Variants in EXOC6B observed in about 807,000 individuals in gnomAD.
EXOC6B encodes the protein SEC15 homolog B.
In EXOC6B, 54 loss-of-function variants were observed where a neutral mutation model predicts 113.5. The observed-to-expected ratio is 0.48, with a 90% confidence interval of 0.38 to 0.60. The LOEUF is 0.60. Ranked by LOEUF, EXOC6B falls within the 20% of genes least tolerant of loss-of-function variation. EXOC6B has a pLI of 0.00. For synonymous variants in EXOC6B, 357 were observed against 339.0 expected (o/e 1.05, Z -0.58); for missense variants, 797 against 977.5 (o/e 0.82, Z 2.46).
intron 11 of EXOC6B, among the ~76,000 whole-genome samples, chr2:72,508,892 T>C (rs148060772): frequency 1.4e-3 from 214 of 152,294 alleles, no homozygotes; most frequent in Non-Finnish European, 2.3e-3. Flanking sequence ...TCAAATCATA[T>C]GACCTAGAAA....
intron 6 of EXOC6B, among the ~76,000 whole-genome samples, chr2:72,603,287 G>A (rs1670540947): frequency 6.6e-6 from 1 of 152,000 alleles, no homozygotes; most frequent in African/African-American, 2.4e-5. Flanking sequence ...ATAGAATAAT[G>A]TCACTTTTAA....
At chr2:72,601,851 T>C (rs1301927838) in intron 6 of EXOC6B, among the ~76,000 whole-genome samples, 2 of 152,132 alleles carry the variant, frequency 1.3e-5, no homozygotes, top group African/African-American at 2.4e-5. Flanking sequence ...TAAAATGATA[T>C]ACACCATGAA....
intron 20 of EXOC6B, among the ~76,000 whole-genome samples, chr2:72,240,063 T>C (rs1332198390): frequency 1.3e-5 from 2 of 152,330 alleles, no homozygotes; most frequent in East Asian, 3.9e-4. Flanking sequence ...TTGTCAGTTC[T>C]AATAGATTTT....
chr2:72,233,082 G>T (rs1681734414), intron 20 of EXOC6B, among the ~76,000 whole-genome samples: 1 of 149,870 alleles, frequency 6.7e-6, no homozygotes, highest in Admixed American at 6.6e-5. Context: ...AAAAAAAAAA[G>T]AAAAAAAGAA....
intron 20 of EXOC6B, among the ~76,000 whole-genome samples, chr2:72,195,623 C>A (rs1679122212): frequency 6.6e-6 from 1 of 152,148 alleles, no homozygotes; most frequent in African/African-American, 2.4e-5. Context: ...GACAAAATGA[C>A]TAAGTGGCTT....
chr2:72,741,806 A>G (rs1681343786), intron 1 of EXOC6B, among the ~76,000 whole-genome samples: 2 of 152,226 alleles, frequency 1.3e-5, no homozygotes, highest in Admixed American at 1.3e-4. Flanking sequence ...TTGCTCCATG[A>G]GCATATTCAA....
At chr2:72,817,190 C>G (rs1686298289) in intron 1 of EXOC6B, among the ~76,000 whole-genome samples, 1 of 152,150 alleles carries the variant, frequency 6.6e-6, no homozygotes, top group African/African-American at 2.4e-5. Context: ...ATGCTTTCAT[C>G]ATTAGAGTTA....
chr2:72,626,915 A>G (rs888708915), intron 6 of EXOC6B, among the ~76,000 whole-genome samples: 3 of 152,190 alleles, frequency 2.0e-5, no homozygotes, highest in African/African-American at 7.2e-5. Flanking sequence ...CAATGATTTT[A>G]ATTAAGAGGA....
At chr2:72,665,759 C>T (rs1420916231) in intron 6 of EXOC6B, among the ~76,000 whole-genome samples, 1 of 152,124 alleles carries the variant, frequency 6.6e-6, no homozygotes, top group Non-Finnish European at 1.5e-5. Context: ...AAATACGTAG[C>T]CCACAGACTC....
At chr2:72,519,760 T>G (rs1270981048) in intron 8 of EXOC6B, among the ~76,000 whole-genome samples, 2 of 152,288 alleles carry the variant, frequency 1.3e-5, no homozygotes, top group East Asian at 3.9e-4. Context: ...TGGGCATATT[T>G]AATTGATGAC....
chr2:72,506,001 T>A (rs1455762801), intron 11 of EXOC6B, among the ~76,000 whole-genome samples: 1 of 152,138 alleles, frequency 6.6e-6, no homozygotes, highest in Non-Finnish European at 1.5e-5. Context: ...AATATATTAA[T>A]ATTTGTTGTA....
chr2:72,313,413 A>G (rs1687328931), intron 20 of EXOC6B, among the ~76,000 whole-genome samples: 1 of 152,314 alleles, frequency 6.6e-6, no homozygotes, highest in African/African-American at 2.4e-5. Context: ...ATAACAAAAA[A>G]TATAGGGGAT....
intron 1 of EXOC6B, among the ~76,000 whole-genome samples, chr2:72,813,984 T>G (rs1301542775): frequency 6.6e-6 from 1 of 152,114 alleles, no homozygotes; most frequent in Non-Finnish European, 1.5e-5. Context: ...AGAAGCAAGT[T>G]TTGAAAACTG....
Position 72,496,551 on chromosome 2 carries a change from A to G in EXOC6B, c.1346T>C (p.Leu449Pro), listed in dbSNP as rs1329213090. 1 of 1,556,326 alleles carries G rather than the reference A, an allele frequency of 6.4e-7. No individual in the cohort carries two copies. Among genetic ancestry groups the G allele is most frequent in the Non-Finnish European group, 8.8e-7 (1 of 1,142,642 alleles). ...TATAGGACTGTAGTTGTCAGAATCA[A>G]GTATGTTTCTATAAATGGAAGGATA... ...KKWAGIFRNI[L>P]DSDNYSPIPV... Residue 449 changes from leucine to proline, a missense_variant, in exon 14 of 22, where the codon CTT becomes CCT. By Grantham distance (98) the Leu-to-Pro change is moderately conservative. Transcript: ENST00000272427.
At chr2:72,766,957 AAAAAAAAAAAAAAAAG>A in intron 1 of EXOC6B, among the ~76,000 whole-genome samples, 1 of 137,516 alleles carries the variant, frequency 7.3e-6, no homozygotes, top group Non-Finnish European at 1.6e-5. Flanking sequence ...GTCTCAAAAG[AAAAAAAAAAAAAAAAG>A]GAAAAAAAAA....
chr2:72,431,139 G>A (rs1281523288), intron 18 of EXOC6B, among the ~76,000 whole-genome samples: 1 of 152,074 alleles, frequency 6.6e-6, no homozygotes, highest in Admixed American at 6.6e-5. Context: ...TAAGGCCCCA[G>A]TATCATTTTT....
intron 17 of EXOC6B, among the ~76,000 whole-genome samples, chr2:72,470,054 T>G (rs149070444): frequency 0.013 from 1,911 of 152,240 alleles, 69 homozygotes; most frequent in Middle Eastern, 0.014. Flanking sequence ...TTGTTTTGGC[T>G]ATTCGTGTTC....
At position 72,660,604 on chromosome 2, in the gene EXOC6B, G is replaced by C. The variant is rs77824094; in HGVS notation, c.669+57499C>G. ...GTAATTATTTGGTCTACACACAAGA[G>C]AGTGTGATTTAGCTCATTTCCTGTA... On this transcript the variant is annotated intron_variant, in intron 6 of 21. Coordinates refer to ENST00000272427, the MANE Select transcript of EXOC6B (RefSeq NM_015189.3). Among the ~76,000 whole-genome samples, 690 of 152,322 alleles carry C rather than the reference G, an allele frequency of 4.5e-3. 31 individuals are homozygous for C. The East Asian group carries it at 0.1, about 23-fold the overall frequency.
At chr2:72,673,318 G>A (rs920235437) in intron 6 of EXOC6B, among the ~76,000 whole-genome samples, 4 of 152,120 alleles carry the variant, frequency 2.6e-5, no homozygotes, top group African/African-American at 9.7e-5. Context: ...AGAGGGTAGG[G>A]TATTGGTATT....
Sources: allele counts gnomAD v4.1 joint callset (sites outside exome capture counted in the v4.1 genomes callset), GRCh38; gene constraint gnomAD v4.1.1; transcripts MANE v1.5; gene names NCBI Gene and HGNC (gene_info 2026-07-23, HGNC 2026-07-21).